Variants in ARFGEF1 observed in about 807,000 individuals in gnomAD.
ARFGEF1 encodes brefeldin A-inhibited guanine nucleotide-exchange protein 1.
ARFGEF1 carries 42 observed loss-of-function variants against 231.0 expected under a neutral mutation model. The ratio of observed to expected loss-of-function variants is 0.18; its 90% CI spans 0.14 to 0.24. The LOEUF is 0.24. Among genes scored for constraint, ARFGEF1 ranks in the 10% least tolerant of loss-of-function variants. The pLI, the probability that ARFGEF1 is intolerant of heterozygous loss-of-function variation, is 1.00. For missense variants in ARFGEF1, 1,345 were observed against 2,192.0 expected (o/e 0.61, Z 7.72); for synonymous variants, 710 against 732.3 (o/e 0.97, Z 0.49).
At chr8:67,323,471 T>C (rs1807689062) in intron 1 of ARFGEF1, among the ~76,000 whole-genome samples, 1 of 152,204 alleles carries the variant, frequency 6.6e-6, no homozygotes, top group Non-Finnish European at 1.5e-5. Flanking sequence ...ATCTTTACTC[T>C]GGTGTCCCAT....
rs770603727 is a variant in ARFGEF1 at position 67,265,992 on chromosome 8, G to A, written c.2123+14C>T. 1 of 1,611,708 alleles carries A rather than the reference G, an allele frequency of 6.2e-7. No individual in the cohort carries two copies. Among genetic ancestry groups the A allele is most frequent in the Non-Finnish European group, 8.5e-7 (1 of 1,178,224 alleles). On this transcript the variant is annotated intron_variant, in intron 14 of 38. Transcript: ENST00000262215. ...GATATTCAATAACATTTCTCCTTAA[G>A]CTATGACACTTACAAATCTATCCCT...
chr8:67,321,366 T>C (rs79514071), intron 1 of ARFGEF1, among the ~76,000 whole-genome samples: 1,799 of 152,282 alleles, frequency 0.012, 20 homozygotes, highest in Admixed American at 0.018. Context: ...GGATCTCCAG[T>C]AATGTGACGT....
rs1840522079 is a variant in ARFGEF1 at position 67,258,221 on chromosome 8, G to A, written c.2305C>T (p.Gln769Ter). ...NKEVMYAYVD[Q>*]HDFSGKDFVS... ...AAGTCTTTTCCTGAAAAGTCATGTT[G>A]GTCCACATATGCATACATGACTTCT... Residue 769 changes from glutamine to a stop codon, truncating the protein, a stop_gained, in exon 16 of 39, where the codon CAA becomes TAA. Coordinates refer to ENST00000262215, the MANE Select transcript of ARFGEF1 (RefSeq NM_006421.5). LOFTEE classifies it high-confidence loss of function. 1 of 1,610,980 alleles carries A rather than the reference G, an allele frequency of 6.2e-7. No homozygotes were observed. The highest frequency in any genetic ancestry group is 8.5e-7 in the Non-Finnish European group (1 of 1,177,598).
At chr8:67,185,405 GGTGCAAAGGATGAAT>G (rs1834305015) in intron 5 of ARFGEF1, among the ~76,000 whole-genome samples, 3 of 152,196 alleles carry the variant, frequency 2.0e-5, no homozygotes, top group Admixed American at 2.0e-4. Context: ...GGCTGGTGCT[GGTGCAAAGGATGAAT>G]TGCACATTAT....
intron 1 of ARFGEF1, among the ~76,000 whole-genome samples, chr8:67,327,450 T>C (rs1016304403): frequency 2.0e-5 from 3 of 151,820 alleles, no homozygotes; most frequent in African/African-American, 4.8e-5. Flanking sequence ...CCCAAGTAGC[T>C]GGGATTACAG....
chr8:67,301,432 T>C, intron 2 of ARFGEF1, 52 bp from the exon 3 acceptor site: 1 of 1,524,228 alleles, frequency 6.6e-7, no homozygotes, highest in Non-Finnish European at 8.8e-7. Flanking sequence ...ATAATATTGA[T>C]AATAAACCCA....
chr8:67,321,525 A>G (rs1807593432), intron 1 of ARFGEF1, among the ~76,000 whole-genome samples: 1 of 152,072 alleles, frequency 6.6e-6, no homozygotes, highest in Non-Finnish European at 1.5e-5. Flanking sequence ...CAGTGGTGCA[A>G]TCTCGGCTCA....
rs35826179 is a variant in ARFGEF1 at position 67,222,227 on chromosome 8, A to ATATGTATGTATG, written c.4208+2664_4209-2668dup. ...TATACACACACATATATATATATGT[A>ATATGTATGTATG]TATGTATGTATGTATGTATGTATGT... is the stretch of plus-strand genomic sequence containing the variant. On this transcript the variant is annotated intron_variant, in intron 29 of 38. Coordinates refer to ENST00000262215, the MANE Select transcript of ARFGEF1 (RefSeq NM_006421.5). 4.8e-3 allele frequency among the ~76,000 whole-genome samples: 557 copies of ATATGTATGTATG among 115,136 alleles called. 5 individuals carry two copies. The highest frequency in any genetic ancestry group is 8.3e-3 in the Admixed American group (83 of 10,060). The allele number at this position is 115,136 out of a possible 152,430, so 75.5% of individuals were successfully genotyped here.
At chr8:67,201,879 C>A in intron 36 of ARFGEF1, 1 of 375,408 alleles carries the variant, frequency 2.7e-6, no homozygotes, top group Non-Finnish European at 4.8e-6. Context: ...GTGGAAGGGG[C>A]CATGTGCTCT....
chr8:67,184,943 C>CAAAAAAAAAAA (rs796384901), intron 5 of ARFGEF1, among the ~76,000 whole-genome samples: 4 of 56,076 alleles, frequency 7.1e-5, no homozygotes, highest in Non-Finnish European at 8.1e-5. Flanking sequence ...ACTAAAAATA[C>CAAAAAAAAAAA]AAAAAAAAAA....
intron 1 of ARFGEF1, among the ~76,000 whole-genome samples, chr8:67,322,672 T>G (rs951830653): frequency 6.6e-6 from 1 of 152,216 alleles, no homozygotes; most frequent in African/African-American, 2.4e-5. Flanking sequence ...ACTGCTGCTC[T>G]CTAGCCTGGG....
chr8:67,243,663 GAGA>G (rs1840001221), intron 19 of ARFGEF1, among the ~76,000 whole-genome samples: 1 of 152,170 alleles, frequency 6.6e-6, no homozygotes. Flanking sequence ...AGCCCAGACT[GAGA>G]AGACTACAAT....
chr8:67,337,971 T>C (rs1808425334), intron 1 of ARFGEF1, among the ~76,000 whole-genome samples: 1 of 152,188 alleles, frequency 6.6e-6, no homozygotes, highest in Non-Finnish European at 1.5e-5. Flanking sequence ...ATGGCAACAA[T>C]AACTTACTCA....
At chr8:67,175,593 A>G in intron 5 of ARFGEF1, 1 of 825,042 alleles carries the variant, frequency 1.2e-6, no homozygotes, top group Non-Finnish European at 2.0e-6. Flanking sequence ...AGAAAAGAAC[A>G]AGTATGAGAG....
chr8:67,192,071 T>G (rs1182812140), intron 5 of ARFGEF1, among the ~76,000 whole-genome samples: 2 of 141,864 alleles, frequency 1.4e-5, no homozygotes, highest in Non-Finnish European at 3.1e-5. Flanking sequence ...GATTTGTTTT[T>G]TTTTTTGTTT....
At chr8:67,330,588 A>T (rs751396919) in intron 1 of ARFGEF1, among the ~76,000 whole-genome samples, 55 of 152,126 alleles carry the variant, frequency 3.6e-4, no homozygotes, top group Non-Finnish European at 2.5e-4. Flanking sequence ...ACTATAAAAA[A>T]TTTTTTCTCT....
intron 19 of ARFGEF1, among the ~76,000 whole-genome samples, chr8:67,246,946 C>G (rs1587128501): frequency 2.7e-5 from 4 of 150,178 alleles, no homozygotes; most frequent in African/African-American, 9.9e-5. Flanking sequence ...TCAAAGGATT[C>G]TTAGTGGCTA....
At chr8:67,292,234 G>A (rs1009591183) in intron 5 of ARFGEF1, 111 bp from the exon 6 acceptor site, 1 of 869,862 alleles carries the variant, frequency 1.1e-6, no homozygotes, top group Non-Finnish European at 1.7e-6. Flanking sequence ...TCTACGCTTG[G>A]AAATTAAAGT....
intron 3 of ARFGEF1, among the ~76,000 whole-genome samples, chr8:67,299,650 A>G (rs978024668): frequency 5.9e-5 from 9 of 152,216 alleles, no homozygotes; most frequent in Non-Finnish European, 1.3e-4. Context: ...CTGATGAGTT[A>G]GAATTGCTTA....
Sources: allele counts gnomAD v4.1 joint callset (sites outside exome capture counted in the v4.1 genomes callset), GRCh38; gene constraint gnomAD v4.1.1; transcripts MANE v1.5; gene names NCBI Gene and HGNC (gene_info 2026-07-23, HGNC 2026-07-21).